CCSER1: variants seen among roughly 807,000 people sequenced by gnomAD.
CCSER1 encodes the protein coiled-coil serine rich protein 1.
A neutral mutation model predicts 82.0 loss-of-function variants in CCSER1; 41 were observed. The ratio of observed to expected loss-of-function variants is 0.50; its 90% CI spans 0.39 to 0.65. The LOEUF (loss-of-function observed/expected upper bound fraction) is 0.65, where lower values mean the gene tolerates loss of function less well. Ranked by LOEUF, CCSER1 falls within the 30% of genes least tolerant of loss-of-function variation. CCSER1 has a pLI of 0.00. For missense variants in CCSER1, 1,119 were observed against 1,064.2 expected (o/e 1.05, Z -0.72); for synonymous variants, 414 against 383.9 (o/e 1.08, Z -0.92).
intron 5 of CCSER1, among the ~76,000 whole-genome samples, chr4:90,546,635 T>C (rs2153638384): frequency 6.6e-6 from 1 of 152,284 alleles, no homozygotes; most frequent in South Asian, 2.1e-4. Context: ...AGTCACATTT[T>C]AACTCAGAAA....
intron 10 of CCSER1, among the ~76,000 whole-genome samples, chr4:91,394,457 G>A (rs1307172746): frequency 6.6e-6 from 1 of 151,896 alleles, no homozygotes; most frequent in Non-Finnish European, 1.5e-5. Context: ...ATGGCTCTGT[G>A]TTTTTCTCTT....
At chr4:90,815,277 CT>C (rs554871643) in intron 7 of CCSER1, among the ~76,000 whole-genome samples, 2 of 152,210 alleles carry the variant, frequency 1.3e-5, no homozygotes, top group Admixed American at 1.3e-4. Flanking sequence ...ATCCAATCAC[CT>C]CCCACCAGGT....
intron 3 of CCSER1, among the ~76,000 whole-genome samples, chr4:90,399,612 G>A (rs534319139): frequency 1.3e-5 from 2 of 152,130 alleles, no homozygotes; most frequent in South Asian, 2.1e-4. Context: ...TTTGAAAAAT[G>A]TGTATATACT....
chr4:91,273,786 A>C (rs190566226), intron 10 of CCSER1, among the ~76,000 whole-genome samples: 68 of 152,188 alleles, frequency 4.5e-4, no homozygotes, highest in Admixed American at 6.5e-4. Flanking sequence ...CCTATATGCC[A>C]ATTTTGCTGA....
At chr4:90,271,383 C>G (rs574926691) in intron 1 of CCSER1, among the ~76,000 whole-genome samples, 1 of 152,040 alleles carries the variant, frequency 6.6e-6, no homozygotes, top group Non-Finnish European at 1.5e-5. Context: ...AGAACATACA[C>G]TGGGGAAAGG....
At chr4:91,080,348 G>A (rs34238370) in intron 9 of CCSER1, among the ~76,000 whole-genome samples, 100,155 of 152,054 alleles carry the variant, frequency 0.66, 33,436 homozygotes, top group East Asian at 0.95. Flanking sequence ...AGGTAGAAAT[G>A]AACATGCTCT....
chr4:90,477,556 C>T (rs1248196934), intron 5 of CCSER1, among the ~76,000 whole-genome samples: 1 of 152,090 alleles, frequency 6.6e-6, no homozygotes, highest in Non-Finnish European at 1.5e-5. Flanking sequence ...TGTTCTGTGG[C>T]ATTTATGCTT....
intron 10 of CCSER1, among the ~76,000 whole-genome samples, chr4:91,468,980 G>A (rs892442499): frequency 1.3e-5 from 2 of 152,032 alleles, no homozygotes; most frequent in Non-Finnish European, 2.9e-5. Context: ...CAGAAGCTTT[G>A]CCTTCCAGAT....
intron 5 of CCSER1, among the ~76,000 whole-genome samples, chr4:90,562,229 C>CT (rs1334101680): frequency 6.6e-6 from 1 of 151,020 alleles, no homozygotes; most frequent in Non-Finnish European, 1.5e-5. Flanking sequence ...CAAAGTCACA[C>CT]TGTGTTTCAC....
intron 3 of CCSER1, among the ~76,000 whole-genome samples, chr4:90,396,567 A>G (rs1751992074): frequency 6.6e-6 from 1 of 151,970 alleles, no homozygotes; most frequent in Middle Eastern, 3.2e-3. Flanking sequence ...TATATCCTTC[A>G]TTTTTTCTTT....
At chr4:90,706,252 A>G (rs1002165061) in intron 6 of CCSER1, among the ~76,000 whole-genome samples, 8 of 152,258 alleles carry the variant, frequency 5.3e-5, no homozygotes, top group African/African-American at 1.9e-4. Flanking sequence ...CCACCTAAAA[A>G]TTGCCCTTTC....
chr4:91,531,104 T>C (rs1761007892), intron 10 of CCSER1, among the ~76,000 whole-genome samples: 1 of 152,210 alleles, frequency 6.6e-6, no homozygotes. Context: ...ATTTTCTATT[T>C]AATGTATATA....
At chr4:90,249,166 G>T (rs1721946915) in intron 1 of CCSER1, among the ~76,000 whole-genome samples, 1 of 152,064 alleles carries the variant, frequency 6.6e-6, no homozygotes, top group African/African-American at 2.4e-5. Context: ...TAACCCACCA[G>T]ACAAGAAAGC....
intron 5 of CCSER1, among the ~76,000 whole-genome samples, chr4:90,571,374 A>G (rs1017483737): frequency 6.6e-6 from 1 of 152,248 alleles, no homozygotes; most frequent in African/African-American, 2.4e-5. Context: ...TGTGGCACAG[A>G]TACACCATGG....
At chr4:91,365,583 TAAAC>T (rs1343569785) in intron 10 of CCSER1, among the ~76,000 whole-genome samples, 1 of 152,196 alleles carries the variant, frequency 6.6e-6, no homozygotes, top group Non-Finnish European at 1.5e-5. Flanking sequence ...GTACATTTAT[TAAAC>T]AAATTGCCAA....
intron 9 of CCSER1, among the ~76,000 whole-genome samples, chr4:90,970,182 G>A (rs1300992556): frequency 6.6e-6 from 1 of 151,770 alleles, no homozygotes; most frequent in African/African-American, 2.4e-5. Flanking sequence ...TAAAACACAC[G>A]ATCAAACAGT....
intron 1 of CCSER1, among the ~76,000 whole-genome samples, chr4:90,159,490 C>G (rs1161637299): frequency 6.6e-6 from 1 of 152,128 alleles, no homozygotes; most frequent in Non-Finnish European, 1.5e-5. Flanking sequence ...TCTAGGAAGA[C>G]AGTTGTTTCC....
At chr4:91,176,180 C>T (rs1047984249) in intron 10 of CCSER1, among the ~76,000 whole-genome samples, 7 of 125,692 alleles carry the variant, frequency 5.6e-5, no homozygotes, top group Non-Finnish European at 8.2e-5. Flanking sequence ...TTCCATTGGT[C>T]TATATCTCTG....
intron 5 of CCSER1, among the ~76,000 whole-genome samples, chr4:90,624,853 A>T (rs774556542): frequency 1.1e-4 from 17 of 152,182 alleles, no homozygotes; most frequent in Non-Finnish European, 2.4e-4. Flanking sequence ...AATATTACTA[A>T]CAATTTCACT....
Sources: gnomAD v4.1 joint callset for allele counts (sites outside exome capture counted in the v4.1 genomes callset) on GRCh38, gnomAD v4.1.1 for gene constraint, MANE v1.5 for transcripts, NCBI Gene and HGNC (gene_info 2026-07-23, HGNC 2026-07-21) for gene names.